Variants in DNM3 observed in about 807,000 individuals in gnomAD.
The protein encoded by DNM3 is dynamin-3.
Under a neutral mutation model 101.6 loss-of-function variants are expected in DNM3, and 47 were observed. The observed-to-expected ratio is 0.46, with a 90% confidence interval of 0.37 to 0.59. The LOEUF (loss-of-function observed/expected upper bound fraction) is 0.59. Ranked by LOEUF, DNM3 falls within the 20% of genes least tolerant of loss-of-function variation. The probability of loss-of-function intolerance (pLI) is 0.00; values close to 1 mark genes in which losing one functional copy is unlikely to be tolerated. For missense variants in DNM3, 849 were observed against 1,085.7 expected, an observed-to-expected ratio of 0.78 and a Z score of 3.06; for synonymous variants, 385 against 387.9, an observed-to-expected ratio of 0.99 and a Z score of 0.09.
intron 20 of DNM3, among the ~76,000 whole-genome samples, chr1:172,405,650 A>G (rs957211357): frequency 6.6e-6 from 1 of 152,154 alleles, no homozygotes; most frequent in African/African-American, 2.4e-5. Flanking sequence ...TAATTCCATT[A>G]TCAAAACTTC....
At chr1:172,379,517 T>C (rs1020031807) in intron 18 of DNM3, among the ~76,000 whole-genome samples, 3 of 152,058 alleles carry the variant, frequency 2.0e-5, no homozygotes, top group African/African-American at 7.2e-5. Context: ...ATGCCCTGGC[T>C]CCTAGACTTT....
intron 14 of DNM3, chr1:172,139,099 T>C (rs1367280555): frequency 1.5e-5 from 5 of 333,940 alleles, no homozygotes; most frequent in Non-Finnish European, 1.8e-5. Flanking sequence ...TTGTTCCAAA[T>C]GTGCTAACAT....
chr1:172,131,125 A>G (rs759329850), intron 13 of DNM3, 50 bp from the exon 14 acceptor site: 1 of 1,512,280 alleles, frequency 6.6e-7, no homozygotes, highest in South Asian at 1.1e-5. Flanking sequence ...TCTAATCTCC[A>G]GTGGCTTTTG....
intron 14 of DNM3, among the ~76,000 whole-genome samples, chr1:172,132,729 T>A (rs1164616655): frequency 6.6e-6 from 1 of 152,216 alleles, no homozygotes; most frequent in South Asian, 2.1e-4. Context: ...TACTAAGGAA[T>A]CATAACAGTG....
At chr1:172,040,746 G>C (rs903920982) in intron 7 of DNM3, among the ~76,000 whole-genome samples, 4 of 152,138 alleles carry the variant, frequency 2.6e-5, no homozygotes, top group Admixed American at 2.0e-4. Flanking sequence ...ATCATGAAAA[G>C]TTTCTGGGAA....
At chr1:171,960,469 C>T (rs1409751609) in intron 2 of DNM3, among the ~76,000 whole-genome samples, 2 of 152,120 alleles carry the variant, frequency 1.3e-5, no homozygotes, top group Non-Finnish European at 2.9e-5. Context: ...AGACTTAGTA[C>T]ATTTGCAGAA....
chr1:171,989,190 A>G lies in DNM3; in HGVS notation c.589+42A>G, dbSNP rs142479278. On this transcript the variant is annotated intron_variant, in intron 4 of 20. Transcript: ENST00000627582. ...TAAGATGAGAAGGAATTAAAGTGTCAGGAGTTTTGGTATCTTTAAAGGTAA... is the reference window on the plus strand; with the variant it reads ...TAAGATGAGAAGGAATTAAAGTGTCGGGAGTTTTGGTATCTTTAAAGGTAA... 1.3e-3 allele frequency: 1,975 copies of G among 1,573,652 alleles called. 21 individuals carry two copies. The African/African-American group carries it at 0.023, about 19-fold the overall frequency.
At chr1:172,105,502 CTT>C (rs2054946971) in intron 13 of DNM3, among the ~76,000 whole-genome samples, 1 of 152,304 alleles carries the variant, frequency 6.6e-6, no homozygotes, top group East Asian at 1.9e-4. Context: ...CAGTGACACA[CTT>C]TTTAATTATT....
At chr1:172,363,380 A>G (rs2067847034) in intron 17 of DNM3, among the ~76,000 whole-genome samples, 3 of 151,834 alleles carry the variant, frequency 2.0e-5, no homozygotes, top group Admixed American at 1.3e-4. Flanking sequence ...GCCTCAGTTT[A>G]TTTGCCCCAA....
At chr1:171,922,964 A>C (rs1247865027) in intron 2 of DNM3, among the ~76,000 whole-genome samples, 1 of 152,144 alleles carries the variant, frequency 6.6e-6, no homozygotes, top group African/African-American at 2.4e-5. Context: ...GGAGCATTTG[A>C]GTTGTTTCCA....
chr1:172,348,449 T>A (rs1341146663), intron 17 of DNM3, among the ~76,000 whole-genome samples: 8 of 152,200 alleles, frequency 5.3e-5, no homozygotes, highest in Admixed American at 5.2e-4. Flanking sequence ...GACGGACTGC[T>A]GATTAGTTTA....
intron 1 of DNM3, among the ~76,000 whole-genome samples, chr1:171,883,666 T>C (rs1018892013): frequency 1.3e-5 from 2 of 151,984 alleles, no homozygotes; most frequent in African/African-American, 4.8e-5. Flanking sequence ...GAGACAGGGT[T>C]TTACCATGTT....
intron 18 of DNM3, chr1:172,381,035 C>T (rs1558066975): frequency 6.8e-6 from 1 of 146,504 alleles, no homozygotes. Flanking sequence ...CTTTCACCTT[C>T]TCAAGAAAAA....
intron 10 of DNM3, among the ~76,000 whole-genome samples, chr1:172,061,920 AACT>A (rs1269830527): frequency 6.6e-6 from 1 of 152,174 alleles, no homozygotes; most frequent in East Asian, 1.9e-4. Flanking sequence ...CATCCAGTCA[AACT>A]CTGTGCTGTG....
At chr1:172,369,380 A>G (rs2068201992) in intron 17 of DNM3, among the ~76,000 whole-genome samples, 1 of 151,978 alleles carries the variant, frequency 6.6e-6, no homozygotes, top group Non-Finnish European at 1.5e-5. Context: ...AAACAATATA[A>G]TCATCTCAAT....
At chr1:171,985,817 T>C (rs550771419) in intron 2 of DNM3, among the ~76,000 whole-genome samples, 57 of 152,244 alleles carry the variant, frequency 3.7e-4, no homozygotes, top group African/African-American at 1.3e-3. Flanking sequence ...GGGTTGGTAC[T>C]GGGAAATCTT....
At chr1:172,073,258 CATAT>C (rs1221989862) in intron 11 of DNM3, among the ~76,000 whole-genome samples, 1 of 148,192 alleles carries the variant, frequency 6.7e-6, no homozygotes, top group African/African-American at 2.5e-5. Context: ...TATATACATA[CATAT>C]ACGTATATAT....
intron 15 of DNM3, among the ~76,000 whole-genome samples, chr1:172,258,243 A>G (rs1485356486): frequency 1.3e-5 from 2 of 152,142 alleles, no homozygotes; most frequent in East Asian, 3.8e-4. Flanking sequence ...TACAATAAAC[A>G]TGGGAGCGCG....
intron 13 of DNM3, among the ~76,000 whole-genome samples, chr1:172,117,271 G>A (rs2147989007): frequency 6.6e-6 from 1 of 152,058 alleles, no homozygotes; most frequent in East Asian, 1.9e-4. Flanking sequence ...CAGAATGGCG[G>A]CATTTTTTTT....
Sources: gnomAD v4.1 joint callset for allele counts (sites outside exome capture counted in the v4.1 genomes callset) on GRCh38, gnomAD v4.1.1 for gene constraint, MANE v1.5 for transcripts, NCBI Gene and HGNC (gene_info 2026-07-23, HGNC 2026-07-21) for gene names.